ICE2: variants seen among roughly 807,000 people sequenced by gnomAD.
ICE2 encodes interactor of little elongation complex ELL subunit 2.
ICE2 carries 87 observed loss-of-function variants against 105.4 expected under a neutral mutation model. The observed-to-expected ratio is 0.83, with a 90% CI of 0.69 to 0.99. ICE2 has a LOEUF of 0.99. Among genes scored for constraint, ICE2 ranks in the 50% least tolerant of loss-of-function variants. The probability of loss-of-function intolerance (pLI) is 0.00; values close to 1 mark genes in which losing one functional copy is unlikely to be tolerated. For missense variants in ICE2, 1,323 were observed against 1,146.7 expected, an observed-to-expected ratio of 1.15 and a Z score of -2.22; for synonymous variants, 399 against 392.0, an observed-to-expected ratio of 1.02 and a Z score of -0.21.
intron 5 of ICE2, among the ~76,000 whole-genome samples, chr15:60,462,733 C>G (rs1338655224): frequency 6.6e-6 from 1 of 152,066 alleles, no homozygotes; most frequent in Non-Finnish European, 1.5e-5. Flanking sequence ...CGCTCTCCCT[C>G]TCTCTCTCCC....
intron 5 of ICE2, among the ~76,000 whole-genome samples, chr15:60,461,180 T>C (rs2064267172): frequency 6.6e-6 from 1 of 152,118 alleles, no homozygotes; most frequent in South Asian, 2.1e-4. Context: ...AATATTTCTA[T>C]GCTAGAACAC....
At chr15:60,478,916 C>G (rs2064851198) in intron 1 of ICE2, 87 bp downstream of exon 1, 1 of 454,640 alleles carries the variant, frequency 2.2e-6, no homozygotes, top group African/African-American at 2.0e-5. Flanking sequence ...GCCATGTTCC[C>G]TCCTCCCGCC....
At chr15:60,438,902 A>G (rs2063655543) in intron 12 of ICE2, 1 of 152,246 alleles carries the variant, frequency 6.6e-6, no homozygotes, top group Admixed American at 6.5e-5. Context: ...TATATATCAC[A>G]GTGTGCTGTA....
chr15:60,456,136 CA>C (rs1276099974), intron 6 of ICE2, among the ~76,000 whole-genome samples: 1 of 151,846 alleles, frequency 6.6e-6, no homozygotes, highest in African/African-American at 2.4e-5. Context: ...AAAGTAGTGA[CA>C]TTTTTAAAAA....
At chr15:60,454,690 C>CT (rs978453869) in intron 8 of ICE2, 6 of 207,096 alleles carry the variant, frequency 2.9e-5, no homozygotes, top group Non-Finnish European at 4.8e-5. Context: ...CCTCTTTTTT[C>CT]TTTTTTTTAA....
chr15:60,446,355 C>G (rs1311574598), intron 11 of ICE2, among the ~76,000 whole-genome samples: 4 of 152,024 alleles, frequency 2.6e-5, no homozygotes, highest in African/African-American at 9.7e-5. Context: ...AGTAGTCAAA[C>G]CCTCATGCCG....
intron 11 of ICE2, among the ~76,000 whole-genome samples, chr15:60,446,395 C>G (rs2063822554): frequency 6.6e-6 from 1 of 152,042 alleles, no homozygotes; most frequent in African/African-American, 2.4e-5. Context: ...AAAGTTGGCA[C>G]TTTTTAAAAA....
chr15:60,431,805 T>C lies in ICE2; in HGVS notation c.2561+129A>G, dbSNP rs1321174215. The C allele has an allele frequency of 1.3e-5, 7 of 526,774 alleles. No individual in the cohort carries two copies. In the African/African-American group the frequency reaches 1.4e-4, roughly 10 times the overall value. 32.6% of individuals were successfully genotyped at this position (526,774 alleles called of 1,614,324 possible). The stretch of plus-strand genomic sequence containing the variant: ...ATTTTTACAATATAAATGTTTACAT[T>C]TGACATAATAATTTTTGCATTTCTA... On this transcript the variant is annotated intron_variant, in intron 14 of 15. Transcript: ENST00000261520.
At chr15:60,426,882 CAATT>C (rs1301507619) in intron 15 of ICE2, among the ~76,000 whole-genome samples, 1 of 152,144 alleles carries the variant, frequency 6.6e-6, no homozygotes, top group African/African-American at 2.4e-5. Flanking sequence ...AATAGTTCTT[CAATT>C]ATTTTTGAGT....
intron 5 of ICE2, among the ~76,000 whole-genome samples, chr15:60,457,808 T>A (rs1254906514): frequency 6.6e-6 from 1 of 152,210 alleles, no homozygotes; most frequent in Non-Finnish European, 1.5e-5. Flanking sequence ...TGGAAAAGTT[T>A]TAAAAAATCT....
intron 5 of ICE2, among the ~76,000 whole-genome samples, chr15:60,462,379 G>A (rs2064303073): frequency 6.6e-6 from 1 of 152,076 alleles, no homozygotes. Context: ...AATGTATTGT[G>A]TTCTTGAAAA....
intron 9 of ICE2, 39 bp downstream of exon 9, chr15:60,453,564 A>G: frequency 1.2e-6 from 2 of 1,600,828 alleles, no homozygotes; most frequent in South Asian, 1.1e-5. Flanking sequence ...AGGATAAACA[A>G]GTACATTCCC....
In ICE2 at chr15:60,476,056, A is replaced by G. The variant is rs761700927; in HGVS notation, c.146+7T>C. ...TATGGAAATAAATAACCAAATAAAC[A>G]TATTACCTGTTGGATAAAACACGTA... On this transcript the variant is annotated splice_region_variant and intron_variant, in intron 3 of 15. Transcript: ENST00000261520. 15 of 1,546,958 alleles carry G rather than the reference A, an allele frequency of 9.7e-6. No individual in the cohort carries two copies. The South Asian group carries it at 1.7e-4, about 17-fold the overall frequency.
chr15:60,468,178 G>A lies in ICE2; in HGVS notation c.291C>T (p.Phe97=). The A allele has an allele frequency of 6.2e-7, 1 of 1,614,082 alleles. No homozygotes were observed. Among genetic ancestry groups the A allele is most frequent in the African/African-American group, 1.3e-5 (1 of 75,052 alleles). The part of the protein sequence containing the change: ...LPKPRVPYPR[F]SRFSQREQRS... ...TCTGCTCTCTCTGTGAGAAACGAGA[G>A]AAACGAGGATAAGGAACTCTTGGTT... Residue 97 remains phenylalanine, a synonymous_variant, in exon 4 of 16, where the codon TTC becomes TTT. Coordinates refer to ENST00000261520, the MANE Select transcript of ICE2 (RefSeq NM_024611.6).
rs1196853515 is a variant in ICE2, at chr15:60,448,068, T to C, written c.2197A>G (p.Lys733Glu). Reference sequence around the variant, plus strand: ...AACAGGTCTTGCAGGCTAAATAACTTATAAACAAAATTTCCTTCCTGAGGA... The same window carrying C: ...AACAGGTCTTGCAGGCTAAATAACTCATAAACAAAATTTCCTTCCTGAGGA... ...LAPQEGNFVY[K>E]LFSLQDLLLL... The change falls in exon 11 of 16, where the codon AAG becomes GAG. Residue 733 changes from lysine to glutamate, a missense_variant. Physicochemically the swap from Lys to Glu is moderately conservative, Grantham distance 56 (BLOSUM62 1). Coordinates refer to ENST00000261520, the MANE Select transcript of ICE2 (RefSeq NM_024611.6). 5 of 1,613,634 alleles carry C rather than the reference T, an allele frequency of 3.1e-6. No individual in the cohort carries two copies. The highest frequency in any genetic ancestry group is 4.2e-6 in the Non-Finnish European group (5 of 1,179,678).
At position 60,449,514 on chromosome 15, in the gene ICE2, CTTT is replaced by C. The variant is rs760101876; in HGVS notation, c.1450_1452del (p.Lys484del). ...TCACATGATTCAAATCCCTGATCAT[CTTT>C]ATTTTTGCATTCCTCAGGGCCACCA... On this transcript the variant is annotated inframe_deletion, in exon 10 of 16. Coordinates refer to ENST00000261520, the MANE Select transcript of ICE2 (RefSeq NM_024611.6). 5.6e-6 allele frequency: 9 copies of C among 1,614,156 alleles called. No homozygotes were observed. The Admixed American group carries it at 1.5e-4, about 27-fold the overall frequency.
rs183078633 is a variant in ICE2 at position 60,471,684 on chromosome 15, A to G, written c.147-3362T>C. 1.7e-3 allele frequency among the ~76,000 whole-genome samples: 263 copies of G among 152,292 alleles called. 1 individual carries two copies. Among genetic ancestry groups the G allele is most frequent in the African/African-American group, 6.0e-3 (250 of 41,562 alleles). On this transcript the variant is annotated intron_variant, in intron 3 of 15. Coordinates refer to ENST00000261520, the MANE Select transcript of ICE2 (RefSeq NM_024611.6). ...CAAAAGCATCTGACAGGGTTTCTCT[A>G]TTCACGTATACAGCATTATATTTTA...
chr15:60,455,055 C>T lies in ICE2; in HGVS notation c.891G>A (p.Thr297=), dbSNP rs201485703. Residue 297 remains threonine (T), a synonymous_variant, in exon 8 of 16, where the codon ACG becomes ACA. Transcript: ENST00000261520. ...CTGGAATTTCCCACTGTTCCTTGTA[C>T]GTTGGTCCATGATTATTTAATAAGG... is the stretch of plus-strand genomic sequence containing the variant. ...LFTLLNNHGP[T]YKEQWEIPVC... 32 of 1,596,362 alleles carry T rather than the reference C, an allele frequency of 2.0e-5. No individual in the cohort carries two copies. In the East Asian group the frequency reaches 4.0e-4, roughly 20 times the overall value.
In ICE2 at chr15:60,422,010, A is replaced by G. The variant is rs1205581226; in HGVS notation, c.*1624T>C. Reference sequence around the variant, plus strand: ...CCAAAAGAATAGCTATTCTTTACACAGAATAGCTAAAAAATTTCAATGTGA... The same window carrying G: ...CCAAAAGAATAGCTATTCTTTACACGGAATAGCTAAAAAATTTCAATGTGA... On this transcript the variant is annotated 3_prime_UTR_variant, in exon 16 of 16. Transcript: ENST00000261520. 6.6e-6 allele frequency: 1 copy of G among 151,976 alleles called. No individual in the cohort carries two copies. The highest frequency in any genetic ancestry group is 2.4e-5 in the African/African-American group (1 of 41,400). The allele number at this position is 151,976 out of a possible 1,614,324, so 9.4% of individuals were successfully genotyped here.
Sources: gnomAD v4.1 joint callset for allele counts (sites outside exome capture counted in the v4.1 genomes callset) on GRCh38, gnomAD v4.1.1 for gene constraint, MANE v1.5 for transcripts, NCBI Gene and HGNC (gene_info 2026-07-23, HGNC 2026-07-21) for gene names.